The following DOCK10 variants were observed in gnomAD, a reference collection of about 807,000 sequenced individuals.
The protein encoded by DOCK10 is dedicator of cytokinesis 10.
DOCK10 carries 145 observed loss-of-function variants against 280.1 expected under a neutral mutation model. That is an observed-to-expected ratio of 0.52 (90% CI 0.45 to 0.59). The LOEUF (loss-of-function observed/expected upper bound fraction) is 0.59, where lower values mean the gene tolerates loss of function less well. Among genes scored for constraint, DOCK10 ranks in the 20% least tolerant of loss-of-function variants. The pLI is 0.00. For missense variants in DOCK10, 2,368 were observed against 2,651.7 expected (o/e 0.89, Z 2.35); for synonymous variants, 915 against 942.2 (o/e 0.97, Z 0.53).
Position 224,774,974 on chromosome 2 carries a change from G to T in DOCK10, c.5944C>A (p.Pro1982Thr). ...HNINRFVFET[P>T]FTLSGKKHGG... Reference sequence around the variant, plus strand: ...TGCTTCTTGCCCGACAGCGTGAAGGGTGTCTCGAAGACAAAGCGGTTGATG... The same window carrying T: ...TGCTTCTTGCCCGACAGCGTGAAGGTTGTCTCGAAGACAAAGCGGTTGATG... The change falls in exon 52 of 56, where the codon CCC (proline) becomes ACC (threonine). Residue 1982 changes from proline (P) to threonine (T), a missense_variant. Pro to Thr is a conservative substitution (Grantham distance 38, BLOSUM62 -1). Coordinates refer to ENST00000258390, the MANE Select transcript of DOCK10 (RefSeq NM_014689.3). The T allele has an allele frequency of 6.2e-7, 1 of 1,612,634 alleles. No homozygotes were observed.
At chr2:224,931,310 C>A (rs759264805) in intron 2 of DOCK10, among the ~76,000 whole-genome samples, 1 of 152,182 alleles carries the variant, frequency 6.6e-6, no homozygotes, top group Non-Finnish European at 1.5e-5. Flanking sequence ...CAGCTGGAAC[C>A]GGGCAGTGTC....
intron 1 of DOCK10, among the ~76,000 whole-genome samples, chr2:224,946,590 A>G (rs1487815952): frequency 6.6e-6 from 1 of 152,184 alleles, no homozygotes; most frequent in Non-Finnish European, 1.5e-5. Context: ...TTAAATTCCA[A>G]ATATTATAGT....
chr2:224,869,847 T>C (rs1698157265), intron 11 of DOCK10, among the ~76,000 whole-genome samples: 1 of 152,200 alleles, frequency 6.6e-6, no homozygotes, highest in Admixed American at 6.5e-5. Context: ...CATATGCCCC[T>C]GGCAGTAGAA....
intron 28 of DOCK10, among the ~76,000 whole-genome samples, chr2:224,820,992 G>T (rs1185871131): frequency 6.6e-6 from 1 of 152,146 alleles, no homozygotes; most frequent in Non-Finnish European, 1.5e-5. Flanking sequence ...TGTCTAAATA[G>T]GTATGTTCAG....
At chr2:224,874,567 G>T in intron 9 of DOCK10, 99 bp downstream of exon 9, 1 of 1,230,582 alleles carries the variant, frequency 8.1e-7, no homozygotes, top group Non-Finnish European at 1.2e-6. Context: ...TAGCTTCTTG[G>T]TCTAAATCTT....
At chr2:224,825,270 G>A (rs1302907256) in intron 27 of DOCK10, among the ~76,000 whole-genome samples, 2 of 152,160 alleles carry the variant, frequency 1.3e-5, no homozygotes, top group South Asian at 2.1e-4. Flanking sequence ...GAGCCACCCC[G>A]CCTGGCCAGA....
Position 224,872,760 on chromosome 2 carries a change from C to G in DOCK10, c.1257+1236G>C, listed in dbSNP as rs149241809. ...CTTCGAAAGCCAATGTGACTCCTAT[C>G]AAGGATCTGGAAATCAGTTTTCCTC... On this transcript the variant is annotated intron_variant, in intron 11 of 55. Transcript: ENST00000258390. Among the ~76,000 whole-genome samples, 7 of 152,206 alleles carry G rather than the reference C, an allele frequency of 4.6e-5. No individual in the cohort carries two copies. In the East Asian group the frequency reaches 1.3e-3, roughly 29 times the overall value.
chr2:224,945,141 G>C (rs1049735370), intron 1 of DOCK10, among the ~76,000 whole-genome samples: 9 of 152,052 alleles, frequency 5.9e-5, no homozygotes, highest in Non-Finnish European at 1.3e-4. Context: ...TAACTCTCAG[G>C]GTGACATAAT....
chr2:225,002,781 T>G (rs1485643344), intron 1 of DOCK10, among the ~76,000 whole-genome samples: 1 of 152,106 alleles, frequency 6.6e-6, no homozygotes, highest in East Asian at 1.9e-4. Flanking sequence ...AGAATTGGTA[T>G]GAACCACATC....
At chr2:224,794,152 T>C (rs573304535) in intron 45 of DOCK10, among the ~76,000 whole-genome samples, 263 of 152,362 alleles carry the variant, frequency 1.7e-3, no homozygotes, top group African/African-American at 6.0e-3. Context: ...ACTAAATTGC[T>C]GCCAAGCCAG....
chr2:224,970,566 C>G lies in DOCK10; in HGVS notation c.124-38898G>C, dbSNP rs879723570. Among the ~76,000 whole-genome samples, 1 of 152,142 alleles carries G rather than the reference C, an allele frequency of 6.6e-6. No individual in the cohort carries two copies. The highest frequency in any genetic ancestry group is 1.5e-5 in the Non-Finnish European group (1 of 68,028). ...GTTCCCAAAATAGAATTCTATAAAC[C>G]CTTCAATCCGAAGAGATTACAACAA... is the stretch of plus-strand genomic sequence containing the variant. On this transcript the variant is annotated intron_variant, in intron 1 of 55. Coordinates refer to ENST00000258390, the MANE Select transcript of DOCK10 (RefSeq NM_014689.3). This position sits in a 1 kb window ranked among gnomAD's most constrained non-coding sequence, Gnocchi z 4.6.
chr2:224,984,888 C>A (rs1448553944), intron 1 of DOCK10, among the ~76,000 whole-genome samples: 2 of 146,020 alleles, frequency 1.4e-5, no homozygotes, highest in Non-Finnish European at 3.0e-5. Flanking sequence ...ATCGCCCAGG[C>A]TGGAGTACAG....
intron 2 of DOCK10, among the ~76,000 whole-genome samples, chr2:224,930,018 T>C (rs1366726211): frequency 6.6e-6 from 1 of 151,812 alleles, no homozygotes; most frequent in African/African-American, 2.4e-5. Flanking sequence ...ATGGCCAACA[T>C]GGCAAAACCC....
intron 1 of DOCK10, among the ~76,000 whole-genome samples, chr2:225,036,277 A>G (rs1690258891): frequency 6.6e-6 from 1 of 152,208 alleles, no homozygotes; most frequent in Non-Finnish European, 1.5e-5. Context: ...GGAGGAGAGA[A>G]TATAACACAA....
chr2:224,906,774 C>T (rs368520185), intron 3 of DOCK10, among the ~76,000 whole-genome samples: 6 of 152,244 alleles, frequency 3.9e-5, no homozygotes, highest in East Asian at 1.9e-4. Flanking sequence ...TCACCGCACC[C>T]GGCCTTGTTT....
At chr2:224,929,076 T>TA (rs1178414118) in intron 2 of DOCK10, among the ~76,000 whole-genome samples, 2 of 152,216 alleles carry the variant, frequency 1.3e-5, no homozygotes, top group African/African-American at 4.8e-5. Flanking sequence ...GTCGCCTTCT[T>TA]AGAGAGGCTT....
chr2:225,013,141 T>A (rs976861753), intron 1 of DOCK10, among the ~76,000 whole-genome samples: 1 of 152,182 alleles, frequency 6.6e-6, no homozygotes, highest in African/African-American at 2.4e-5. Context: ...GTCAGATTAA[T>A]CAGTGAGTCC....
chr2:224,805,389 T>A lies in DOCK10; in HGVS notation c.3936+19A>T, dbSNP rs781174776. 5.6e-6 allele frequency: 9 copies of A among 1,612,646 alleles called. No homozygotes were observed. In the Admixed American group the frequency reaches 1.5e-4, roughly 27 times the overall value. ...CCTCTGCCTTGTAATGATCAGTAGG[T>A]TTGAGAGGGAAGTCATACCTTTTCA... On this transcript the variant is annotated intron_variant, in intron 35 of 55. Transcript: ENST00000258390. The surrounding 1 kb of genome is among the most constrained non-coding windows in gnomAD (Gnocchi z 4.3).
Position 224,856,853 on chromosome 2 carries a change from A to G in DOCK10, c.1808+7T>C. ...ATGTTAATTTCGAGAGTATAAAAAA[A>G]ACATACCTTCTATAATCTGATACTA... On this transcript the variant is annotated splice_region_variant and intron_variant, in intron 15 of 55. Transcript: ENST00000258390. 1 of 1,598,492 alleles carries G rather than the reference A, an allele frequency of 6.3e-7. No individual in the cohort carries two copies. Among genetic ancestry groups the G allele is most frequent in the Non-Finnish European group, 8.5e-7 (1 of 1,172,476 alleles).
Sources: gnomAD v4.1 joint callset for allele counts (sites outside exome capture counted in the v4.1 genomes callset) on GRCh38, gnomAD v4.1.1 for gene constraint, Gnocchi (gnomAD v3.1) non-coding constraint, MANE v1.5 for transcripts, NCBI Gene and HGNC (gene_info 2026-07-23, HGNC 2026-07-21) for gene names.